Variants in SMARCC1 observed in about 807,000 individuals in gnomAD.
The protein encoded by SMARCC1 is SWI/SNF complex subunit SMARCC1.
Under a neutral mutation model 147.4 loss-of-function variants are expected in SMARCC1, and 43 were observed. That is an observed-to-expected ratio of 0.29 (90% CI 0.23 to 0.38). The LOEUF (loss-of-function observed/expected upper bound fraction) is 0.38. SMARCC1 is among the 10% of genes least tolerant of loss of function. The pLI is 1.00. For synonymous variants in SMARCC1, 495 were observed against 484.4 expected (o/e 1.02, Z -0.29); for missense variants, 1,119 against 1,381.1 (o/e 0.81, Z 3.01).
At chr3:47,588,454 T>G in intron 27 of SMARCC1, 148 bp from the exon 28 acceptor site, 1 of 699,756 alleles carries the variant, frequency 1.4e-6, no homozygotes, top group African/African-American at 1.8e-5. Context: ...CACTGTGGTC[T>G]ATGCAAGTCA....
intron 3 of SMARCC1, among the ~76,000 whole-genome samples, chr3:47,739,347 G>A (rs2034481340): frequency 6.6e-6 from 1 of 152,150 alleles, no homozygotes; most frequent in African/African-American, 2.4e-5. Flanking sequence ...TTGAGGCAGA[G>A]TCTCACTGTG....
chr3:47,708,723 A>G (rs2034047817), intron 9 of SMARCC1, among the ~76,000 whole-genome samples: 1 of 152,228 alleles, frequency 6.6e-6, no homozygotes, highest in East Asian at 1.9e-4. Context: ...GTCCAATTCC[A>G]AAACAAACGA....
At chr3:47,713,066 T>C (rs1393958813) in intron 8 of SMARCC1, among the ~76,000 whole-genome samples, 1 of 152,116 alleles carries the variant, frequency 6.6e-6, no homozygotes, top group Admixed American at 6.6e-5. Flanking sequence ...CTCACACCTG[T>C]AATCCCAACA....
chr3:47,742,646 A>C (rs1413043433), intron 3 of SMARCC1, among the ~76,000 whole-genome samples: 2 of 152,166 alleles, frequency 1.3e-5, no homozygotes, highest in African/African-American at 4.8e-5. Flanking sequence ...GCAGTGGTGC[A>C]ATCTTGGTTC....
At chr3:47,705,063 C>G (rs1020415792) in intron 10 of SMARCC1, among the ~76,000 whole-genome samples, 1 of 151,220 alleles carries the variant, frequency 6.6e-6, no homozygotes, top group Non-Finnish European at 1.5e-5. Context: ...GTGGCTCACG[C>G]CTGTAATCCC....
At chr3:47,721,711 T>A (rs2034235153) in intron 6 of SMARCC1, among the ~76,000 whole-genome samples, 1 of 152,028 alleles carries the variant, frequency 6.6e-6, no homozygotes, top group Non-Finnish European at 1.5e-5. Flanking sequence ...CTAACTATCT[T>A]AAAAGAAAGT....
At chr3:47,669,676 C>T (rs747997624) in intron 19 of SMARCC1, among the ~76,000 whole-genome samples, 18 of 151,712 alleles carry the variant, frequency 1.2e-4, no homozygotes, top group Non-Finnish European at 2.4e-4. Flanking sequence ...ATTTTGATCA[C>T]AACAGAGAAA....
chr3:47,619,396 G>A (rs1384003039), intron 25 of SMARCC1, among the ~76,000 whole-genome samples: 2 of 152,188 alleles, frequency 1.3e-5, no homozygotes, highest in Non-Finnish European at 2.9e-5. Context: ...TATATACTCT[G>A]GTACAGAAAT....
intron 2 of SMARCC1, among the ~76,000 whole-genome samples, chr3:47,769,541 T>TATG (rs2034883320): frequency 6.6e-6 from 1 of 151,980 alleles, no homozygotes; most frequent in Non-Finnish European, 1.5e-5. Flanking sequence ...ATAACACTTT[T>TATG]ATGTGTTGCC....
intron 23 of SMARCC1, 148 bp from the exon 24 acceptor site, chr3:47,635,492 T>C (rs2032957157): frequency 2.8e-6 from 2 of 721,524 alleles, no homozygotes; most frequent in Non-Finnish European, 2.3e-6. Context: ...TGTTGAGCCA[T>C]TCCATGCATT....
intron 22 of SMARCC1, among the ~76,000 whole-genome samples, chr3:47,636,979 TGA>T: frequency 6.6e-6 from 1 of 152,274 alleles, no homozygotes; most frequent in East Asian, 1.9e-4. Context: ...GGAAGAACCA[TGA>T]GAGAACATCA....
At chr3:47,656,167 C>T (rs145663802) in intron 21 of SMARCC1, among the ~76,000 whole-genome samples, 2,191 of 152,032 alleles carry the variant, frequency 0.014, 56 homozygotes, top group Non-Finnish European at 0.013. Flanking sequence ...GCCAAGATCA[C>T]GCCACTGCAC....
At chr3:47,769,115 G>T (rs542761754) in intron 2 of SMARCC1, among the ~76,000 whole-genome samples, 1 of 147,422 alleles carries the variant, frequency 6.8e-6, no homozygotes, top group African/African-American at 2.5e-5. Context: ...GGAGGCTGAG[G>T]CATGAGAATT....
chr3:47,684,641 C>G (rs995282044), intron 14 of SMARCC1, among the ~76,000 whole-genome samples: 2 of 152,036 alleles, frequency 1.3e-5, no homozygotes, highest in Non-Finnish European at 2.9e-5. Context: ...CGGGGTTTCA[C>G]CAGGTTGGCC....
intron 2 of SMARCC1, among the ~76,000 whole-genome samples, chr3:47,749,730 A>AAGAG (rs1373212974): frequency 1.8e-4 from 9 of 50,490 alleles, no homozygotes; most frequent in Non-Finnish European, 2.6e-4. Flanking sequence ...CACACAGAGA[A>AAGAG]AGAGACAGAG....
intron 1 of SMARCC1, among the ~76,000 whole-genome samples, chr3:47,778,492 G>C (rs2035005009): frequency 6.6e-6 from 1 of 151,618 alleles, no homozygotes. Context: ...TTTTTGTTTT[G>C]TTTTGTTTTG....
chr3:47,760,718 G>A (rs1027496852), intron 2 of SMARCC1, among the ~76,000 whole-genome samples: 3 of 152,168 alleles, frequency 2.0e-5, no homozygotes, highest in Non-Finnish European at 4.4e-5. Context: ...TCAGCTGTGC[G>A]TGGTAGCTCA....
intron 10 of SMARCC1, 28 bp downstream of exon 10, chr3:47,706,381 G>A: frequency 6.7e-7 from 1 of 1,484,454 alleles, no homozygotes; most frequent in Non-Finnish European, 8.9e-7. Flanking sequence ...CTGTTTTAAT[G>A]CCCTTTGAAT....
intron 21 of SMARCC1, among the ~76,000 whole-genome samples, chr3:47,646,146 C>A (rs1034348052): frequency 6.6e-6 from 1 of 152,036 alleles, no homozygotes. Context: ...AGAGCAAGAC[C>A]CTGTCTCTAA....
Sources: allele counts gnomAD v4.1 joint callset (sites outside exome capture counted in the v4.1 genomes callset), GRCh38; gene constraint gnomAD v4.1.1; transcripts MANE v1.5; gene names NCBI Gene and HGNC (gene_info 2026-07-23, HGNC 2026-07-21).